The following RARS2 variants were observed in gnomAD, a reference collection of about 807,000 sequenced individuals.
RARS2 encodes arginyl-tRNA synthetase 2, mitochondrial.
Under a neutral mutation model 88.5 loss-of-function variants are expected in RARS2, and 67 were observed. That is an observed-to-expected ratio of 0.76 (90% CI 0.62 to 0.93). The LOEUF is 0.93. RARS2 is among the 40% of genes least tolerant of loss of function. The pLI is 0.00. For missense variants in RARS2, 664 were observed against 684.2 expected, an observed-to-expected ratio of 0.97 and a Z score of 0.33; for synonymous variants, 239 against 230.3, an observed-to-expected ratio of 1.04 and a Z score of -0.34.
intron 4 of RARS2, among the ~76,000 whole-genome samples, chr6:87,556,273 T>C (rs1262124774): frequency 6.6e-6 from 1 of 152,194 alleles, no homozygotes; most frequent in African/African-American, 2.4e-5. Context: ...CTCATATTAG[T>C]TGGTTTTGTT....
chr6:87,584,593 C>T, intron 1 of RARS2: 1 of 344,676 alleles, frequency 2.9e-6, no homozygotes, highest in South Asian at 2.1e-5. Context: ...AATAGTGAAG[C>T]TAGAATTCTA....
intron 8 of RARS2, among the ~76,000 whole-genome samples, chr6:87,538,192 G>A (rs1485976692): frequency 6.6e-6 from 1 of 152,184 alleles, no homozygotes; most frequent in Admixed American, 6.5e-5. Flanking sequence ...AAAGGAGAAG[G>A]AAAAGAGCAA....
chr6:87,514,698 G>A (rs542360835), intron 19 of RARS2, among the ~76,000 whole-genome samples, 199 bp from the exon 20 acceptor site: 2 of 152,304 alleles, frequency 1.3e-5, no homozygotes, highest in East Asian at 3.9e-4. Flanking sequence ...GTCATGGAGT[G>A]GGAGTGATAG....
chr6:87,571,547 A>C (rs1414165008), intron 1 of RARS2, among the ~76,000 whole-genome samples: 1 of 152,136 alleles, frequency 6.6e-6, no homozygotes, highest in African/African-American at 2.4e-5. Flanking sequence ...TCCAATACTC[A>C]TATAGCCTCT....
intron 5 of RARS2, among the ~76,000 whole-genome samples, chr6:87,549,044 T>A (rs1027002327): frequency 1.2e-4 from 18 of 152,012 alleles, no homozygotes; most frequent in Non-Finnish European, 1.5e-5. Context: ...CAAGACTGTC[T>A]CTACAAAAAA....
intron 1 of RARS2, among the ~76,000 whole-genome samples, chr6:87,579,397 G>A (rs941380105): frequency 2.0e-5 from 3 of 152,128 alleles, no homozygotes; most frequent in Non-Finnish European, 4.4e-5. Flanking sequence ...CTGGGTAGCC[G>A]TTCGGTAGTG....
chr6:87,551,087 G>A (rs955327843), intron 5 of RARS2, among the ~76,000 whole-genome samples: 7 of 151,792 alleles, frequency 4.6e-5, no homozygotes, highest in African/African-American at 9.7e-5. Context: ...TTTTCCCTCC[G>A]GTATTAGAAA....
chr6:87,583,696 C>A (rs1298246887), intron 1 of RARS2, among the ~76,000 whole-genome samples: 3 of 151,998 alleles, frequency 2.0e-5, no homozygotes, highest in Non-Finnish European at 4.4e-5. Context: ...CGGAGCCAGA[C>A]ACGTACTGGC....
chr6:87,533,576 A>G (rs1203311636), intron 8 of RARS2, among the ~76,000 whole-genome samples: 1 of 152,234 alleles, frequency 6.6e-6, no homozygotes. Context: ...GTTTTTGAGG[A>G]TGGAAACACA....
intron 10 of RARS2, among the ~76,000 whole-genome samples, chr6:87,525,122 T>TA (rs1775239666): frequency 6.6e-6 from 1 of 152,180 alleles, no homozygotes; most frequent in African/African-American, 2.4e-5. Flanking sequence ...AAATTTTCCT[T>TA]AAGGACATTA....
At chr6:87,516,527 T>C (rs1008399778) in intron 18 of RARS2, among the ~76,000 whole-genome samples, 2 of 152,216 alleles carry the variant, frequency 1.3e-5, no homozygotes, top group African/African-American at 4.8e-5. Context: ...GCTGGGCTGG[T>C]TGCCCTAACA....
At chr6:87,541,670 A>G (rs575480987) in intron 8 of RARS2, among the ~76,000 whole-genome samples, 2 of 152,230 alleles carry the variant, frequency 1.3e-5, no homozygotes, top group Admixed American at 1.3e-4. Context: ...CTAAAAATAC[A>G]AAAATTAGCT....
chr6:87,524,709 T>G (rs1180119638), intron 10 of RARS2, 57 bp from the exon 11 acceptor site: 3 of 1,274,824 alleles, frequency 2.4e-6, no homozygotes, highest in Non-Finnish European at 3.4e-6. Flanking sequence ...CCTTTAAAAT[T>G]TTAATATCTA....
In RARS2 at chr6:87,589,939, G is replaced by C; in HGVS notation, c.19C>G (p.Arg7Gly). 6.2e-7 allele frequency: 1 copy of C among 1,614,174 alleles called. No homozygotes were observed. Among genetic ancestry groups the C allele is most frequent in the South Asian group, 1.1e-5 (1 of 91,092 alleles). The change falls in exon 1 of 20, where the codon CGC becomes GGC. Residue 7 changes from arginine (R) to glycine (G), a missense_variant. By Grantham distance (125) the Arg-to-Gly change is moderately radical. Transcript: ENST00000369536. Reference protein sequence around the residue: MACGFRRAIACQLSRVL... With the variant: MACGFRGAIACQLSRVL... ...ATCCATACCTGGCAAGCAATAGCGC[G>C]GCGAAAGCCGCACGCCATGTCCACC...
chr6:87,539,974 A>T (rs918944828), intron 8 of RARS2, among the ~76,000 whole-genome samples: 1 of 152,188 alleles, frequency 6.6e-6, no homozygotes, highest in Non-Finnish European at 1.5e-5. Flanking sequence ...CACTAAGGGA[A>T]CATACTTTAT....
chr6:87,519,318 G>A (rs1773036139), intron 14 of RARS2: 1 of 404,274 alleles, frequency 2.5e-6, no homozygotes, highest in Non-Finnish European at 4.6e-6. Context: ...GAAACTTCAC[G>A]TAATCACCTA....
chr6:87,553,536 AAGC>A (rs769308725), intron 5 of RARS2, among the ~76,000 whole-genome samples: 2 of 152,228 alleles, frequency 1.3e-5, no homozygotes, highest in Admixed American at 6.5e-5. Flanking sequence ...TGCAATATGA[AAGC>A]AGCCAATGTA....
Position 87,548,580 on chromosome 6 carries a change from T to G in RARS2, c.451+11A>C. ...GAACGTTTAGCATTTTATGTGAAAC[T>G]AAACACTTACCTATGATGGTAGAAC... On this transcript the variant is annotated intron_variant, in intron 6 of 19. Coordinates refer to ENST00000369536, the MANE Select transcript of RARS2 (RefSeq NM_020320.5). 1 of 1,611,482 alleles carries G rather than the reference T, an allele frequency of 6.2e-7. No homozygotes were observed. Among genetic ancestry groups the G allele is most frequent in the Non-Finnish European group, 8.5e-7 (1 of 1,178,408 alleles).
At chr6:87,570,772 C>A (rs1769425354) in intron 1 of RARS2, among the ~76,000 whole-genome samples, 1 of 152,122 alleles carries the variant, frequency 6.6e-6, no homozygotes, top group Admixed American at 6.6e-5. Context: ...AAGCTGGCCT[C>A]TAACTTCTGG....
Sources: gnomAD v4.1 joint callset for allele counts (sites outside exome capture counted in the v4.1 genomes callset) on GRCh38, gnomAD v4.1.1 for gene constraint, MANE v1.5 for transcripts, NCBI Gene and HGNC (gene_info 2026-07-23, HGNC 2026-07-21) for gene names.